The following RBPMS variants were observed in gnomAD, a reference collection of about 807,000 sequenced individuals.
The protein encoded by RBPMS is RNA-binding protein with multiple splicing.
Under a neutral mutation model 26.8 loss-of-function variants are expected in RBPMS, and 7 were observed. That is an observed-to-expected ratio of 0.26 (90% CI 0.15 to 0.49). The LOEUF is 0.49. Among genes scored for constraint, RBPMS ranks in the 20% least tolerant of loss-of-function variants. The pLI is 0.98. For synonymous variants in RBPMS, 96 were observed against 93.3 expected (o/e 1.03, Z -0.17); for missense variants, 186 against 250.0 (o/e 0.74, Z 1.73).
intron 4 of RBPMS, 59 bp from the exon 5 acceptor site, chr8:30,504,227 C>T: frequency 6.3e-7 from 1 of 1,591,322 alleles, no homozygotes; most frequent in Non-Finnish European, 8.6e-7. Context: ...ATTTTGTCAC[C>T]ATTCCGGTTT....
intron 2 of RBPMS, 112 bp from the exon 3 acceptor site, chr8:30,477,687 A>C: frequency 1.4e-6 from 1 of 728,190 alleles, no homozygotes; most frequent in Non-Finnish European, 2.4e-6. Flanking sequence ...CAGATAACTT[A>C]GGAGACATTT....
At chr8:30,440,443 T>C (rs2150704321) in intron 1 of RBPMS, among the ~76,000 whole-genome samples, 1 of 152,320 alleles carries the variant, frequency 6.6e-6, no homozygotes, top group Middle Eastern at 3.4e-3. Flanking sequence ...GTAGAATCAT[T>C]CAGTATTTGT....
chr8:30,458,039 G>A (rs1480354078), intron 1 of RBPMS, among the ~76,000 whole-genome samples: 1 of 152,226 alleles, frequency 6.6e-6, no homozygotes, highest in South Asian at 2.1e-4. Context: ...GATATAAAAT[G>A]GGCATGGTAT....
intron 4 of RBPMS, among the ~76,000 whole-genome samples, chr8:30,501,602 TTAATATAC>T (rs1387171954): frequency 1.3e-5 from 2 of 152,176 alleles, no homozygotes; most frequent in African/African-American, 4.8e-5. Context: ...TATATTCAAA[TTAATATAC>T]TAATATTCAG....
intron 1 of RBPMS, among the ~76,000 whole-genome samples, chr8:30,422,892 A>T (rs939038945): frequency 1.9e-4 from 29 of 152,354 alleles, no homozygotes; most frequent in African/African-American, 6.3e-4. Flanking sequence ...CATTTTCAAT[A>T]AATATTTCTT....
At position 30,549,772 on chromosome 8, in the gene RBPMS, T is replaced by TTCTCTCTCTCTCTCTCTCTCTC. The variant is rs1181705539; in HGVS notation, c.528+5151_528+5172dup. On this transcript the variant is annotated intron_variant, in intron 6 of 8. Coordinates refer to ENST00000397323, the MANE Select transcript of RBPMS (RefSeq NM_001008710.3). ...TTTCCTTTTCTTTTCTTTTCTTTTC[T>TTCTCTCTCTCTCTCTCTCTCTC]TCTCTCTCTCTCTCTCTCTCTCTCC... Among the ~76,000 whole-genome samples the TTCTCTCTCTCTCTCTCTCTCTC allele has an allele frequency of 2.2e-4, 16 of 71,224 alleles. 1 individual carries two copies. Among genetic ancestry groups the TTCTCTCTCTCTCTCTCTCTCTC allele is most frequent in the African/African-American group, 9.8e-4 (13 of 13,330 alleles). 46.7% of individuals were successfully genotyped at this position (71,224 alleles called of 152,430 possible).
At chr8:30,527,577 A>G (rs1246280273) in intron 5 of RBPMS, among the ~76,000 whole-genome samples, 1 of 152,084 alleles carries the variant, frequency 6.6e-6, no homozygotes, top group Non-Finnish European at 1.5e-5. Flanking sequence ...CAGTCTTTTC[A>G]TAATTTACCA....
intron 4 of RBPMS, among the ~76,000 whole-genome samples, chr8:30,491,126 C>T (rs570205130): frequency 0.011 from 1,668 of 152,208 alleles, 34 homozygotes; most frequent in African/African-American, 0.037. Context: ...TCTCCCCCAA[C>T]CCTATTGATT....
chr8:30,536,271 G>A (rs1824789487), intron 5 of RBPMS, among the ~76,000 whole-genome samples: 1 of 152,078 alleles, frequency 6.6e-6, no homozygotes, highest in Non-Finnish European at 1.5e-5. Flanking sequence ...AGGATTATAG[G>A]CATGTGCCAC....
At chr8:30,509,984 G>T (rs912954794) in intron 5 of RBPMS, among the ~76,000 whole-genome samples, 1 of 152,172 alleles carries the variant, frequency 6.6e-6, no homozygotes, top group Non-Finnish European at 1.5e-5. Flanking sequence ...ATAATAAAAT[G>T]TATCTCTTTC....
At chr8:30,419,237 G>C (rs1365103611) in intron 1 of RBPMS, among the ~76,000 whole-genome samples, 1 of 152,104 alleles carries the variant, frequency 6.6e-6, no homozygotes, top group African/African-American at 2.4e-5. Flanking sequence ...CCTGAGGTTG[G>C]GTGTTCAAGA....
At chr8:30,500,421 A>T (rs1266018525) in intron 4 of RBPMS, among the ~76,000 whole-genome samples, 1 of 148,816 alleles carries the variant, frequency 6.7e-6, no homozygotes, top group Non-Finnish European at 1.5e-5. Context: ...GTTTCTAAGC[A>T]TTTTTTTTCT....
At chr8:30,525,386 G>T (rs1823469288) in intron 5 of RBPMS, among the ~76,000 whole-genome samples, 1 of 152,108 alleles carries the variant, frequency 6.6e-6, no homozygotes, top group Non-Finnish European at 1.5e-5. Context: ...GCAATAAAAA[G>T]AATCTACAGT....
At chr8:30,557,606 C>A (rs1216649833) in intron 6 of RBPMS, among the ~76,000 whole-genome samples, 2 of 152,192 alleles carry the variant, frequency 1.3e-5, no homozygotes, top group Non-Finnish European at 2.9e-5. Flanking sequence ...GCTCTTGCTT[C>A]ATCACTAAGC....
chr8:30,518,636 C>T (rs1368624620), intron 5 of RBPMS, among the ~76,000 whole-genome samples: 3 of 135,704 alleles, frequency 2.2e-5, no homozygotes, highest in Non-Finnish European at 4.6e-5. Context: ...CCATGTTGGC[C>T]AGGCTGGTCT....
chr8:30,516,903 T>TACACACACACACACACAAAC (rs1554533192), intron 5 of RBPMS, among the ~76,000 whole-genome samples: 1 of 147,288 alleles, frequency 6.8e-6, no homozygotes, highest in Non-Finnish European at 1.5e-5. Context: ...CATCTCTAAA[T>TACACACACACACACACAAAC]ACACACACAC....
At chr8:30,529,913 C>T (rs1824027834) in intron 5 of RBPMS, among the ~76,000 whole-genome samples, 1 of 152,016 alleles carries the variant, frequency 6.6e-6, no homozygotes, top group Non-Finnish European at 1.5e-5. Context: ...GTCACCACGC[C>T]TGGCCAATTT....
chr8:30,540,865 A>G (rs1246026297), intron 5 of RBPMS, among the ~76,000 whole-genome samples: 1 of 152,218 alleles, frequency 6.6e-6, no homozygotes, highest in Admixed American at 6.5e-5. Context: ...CCTTGATGAA[A>G]GAATGAATGA....
intron 5 of RBPMS, among the ~76,000 whole-genome samples, chr8:30,508,110 T>G (rs1821243338): frequency 6.6e-6 from 1 of 152,078 alleles, no homozygotes; most frequent in South Asian, 2.1e-4. Context: ...GGAGCCCTAA[T>G]CCATTATGAC....
Sources: gnomAD v4.1 joint callset for allele counts (sites outside exome capture counted in the v4.1 genomes callset) on GRCh38, gnomAD v4.1.1 for gene constraint, MANE v1.5 for transcripts, NCBI Gene and HGNC (gene_info 2026-07-23, HGNC 2026-07-21) for gene names.